Variants in RBMS3 observed in about 807,000 individuals in gnomAD.
The protein encoded by RBMS3 is RNA-binding motif, single-stranded-interacting protein 3.
In RBMS3, 27 loss-of-function variants were observed where a neutral mutation model predicts 66.8. That is an observed-to-expected ratio of 0.40 (90% CI 0.30 to 0.56). The LOEUF (loss-of-function observed/expected upper bound fraction) is 0.56, where lower values mean the gene tolerates loss of function less well. Among genes scored for constraint, RBMS3 ranks in the 20% least tolerant of loss-of-function variants. RBMS3 has a pLI of 0.40. For synonymous variants in RBMS3, 188 were observed against 183.0 expected (o/e 1.03, Z -0.22); for missense variants, 513 against 549.5 (o/e 0.93, Z 0.66).
chr3:29,601,032 G>A (rs2048125574), intron 4 of RBMS3, among the ~76,000 whole-genome samples: 1 of 152,022 alleles, frequency 6.6e-6, no homozygotes, highest in African/African-American at 2.4e-5. Context: ...AGCATGAACA[G>A]TGATGGAACC....
intron 6 of RBMS3, chr3:29,767,384 T>A (rs1559649937): frequency 1.3e-5 from 2 of 151,844 alleles, no homozygotes; most frequent in South Asian, 2.1e-4. Flanking sequence ...ACTTCTGGTA[T>A]GCTTTCCTTA....
chr3:29,410,532 A>G (rs2040220794), intron 1 of RBMS3, among the ~76,000 whole-genome samples: 1 of 152,126 alleles, frequency 6.6e-6, no homozygotes, highest in Admixed American at 6.5e-5. Context: ...CAGATGGATG[A>G]ATTTGCGCCA....
chr3:29,471,551 C>A (rs2125798617), intron 2 of RBMS3, among the ~76,000 whole-genome samples: 2 of 152,238 alleles, frequency 1.3e-5, no homozygotes, highest in East Asian at 3.9e-4. Flanking sequence ...TCTGTAACCA[C>A]AACCTATAAT....
chr3:29,602,025 T>A (rs929979527), intron 4 of RBMS3, among the ~76,000 whole-genome samples: 2 of 152,036 alleles, frequency 1.3e-5, no homozygotes, highest in African/African-American at 4.8e-5. Flanking sequence ...TTGGACACAG[T>A]CTGATCTCTA....
chr3:29,949,549 A>C (rs960659802), intron 12 of RBMS3, among the ~76,000 whole-genome samples: 4 of 151,810 alleles, frequency 2.6e-5, no homozygotes, highest in African/African-American at 9.7e-5. Flanking sequence ...TATTCTTTAT[A>C]ATACATCTGA....
At chr3:29,753,660 C>T (rs972832631) in intron 5 of RBMS3, among the ~76,000 whole-genome samples, 5 of 152,162 alleles carry the variant, frequency 3.3e-5, no homozygotes, top group Non-Finnish European at 7.3e-5. Context: ...ACCCTAAAAG[C>T]TAAAGAGGTC....
intron 1 of RBMS3, among the ~76,000 whole-genome samples, chr3:29,406,258 T>C (rs2040012556): frequency 6.6e-6 from 1 of 152,158 alleles, no homozygotes; most frequent in South Asian, 2.1e-4. Flanking sequence ...CTTAAGATAA[T>C]GTAAAAAAGC....
chr3:29,296,993 T>C (rs975913297), intron 1 of RBMS3, among the ~76,000 whole-genome samples: 4 of 151,634 alleles, frequency 2.6e-5, no homozygotes, highest in Middle Eastern at 3.4e-3. Context: ...TTAATATACA[T>C]TTAGTGAGAG....
At chr3:29,892,350 A>G (rs1319015506) in intron 8 of RBMS3, among the ~76,000 whole-genome samples, 5 of 151,574 alleles carry the variant, frequency 3.3e-5, no homozygotes, top group Non-Finnish European at 7.4e-5. Flanking sequence ...AGGTGTCTCA[A>G]TCTTCATGCT....
In RBMS3 at chr3:29,936,185, A is replaced by G. The variant is rs756605759; in HGVS notation, c.1039A>G (p.Thr347Ala). The change falls in exon 11 of 15, where the codon ACA (threonine) becomes GCA (alanine). Residue 347 changes from threonine to alanine, a missense_variant. Transcript: ENST00000383767. ...GCAGATGAATCACCTTTCGTTGGGC[A>G]CAACAGGAACGGTGAGTTGAAGAGA... ...TQQMNHLSLG[T>A]TGTIQSQDRI... is the part of the protein sequence containing the mutation. The G allele has an allele frequency of 1.2e-5, 19 of 1,612,610 alleles. No homozygotes were observed. The highest frequency in any genetic ancestry group is 1.7e-5 in the Admixed American group (1 of 59,816).
At chr3:29,957,300 A>C (rs1374832920) in intron 12 of RBMS3, among the ~76,000 whole-genome samples, 1 of 152,132 alleles carries the variant, frequency 6.6e-6, no homozygotes, top group African/African-American at 2.4e-5. Context: ...ATCCAGCAAC[A>C]TCTGGCCCAT....
chr3:29,487,363 C>T (rs187084498), intron 2 of RBMS3, among the ~76,000 whole-genome samples: 1 of 152,122 alleles, frequency 6.6e-6, no homozygotes, highest in African/African-American at 2.4e-5. Context: ...ATCTGTACAA[C>T]TAGGTAGAGT....
chr3:29,820,850 A>G (rs2149474492), intron 6 of RBMS3, among the ~76,000 whole-genome samples: 1 of 152,308 alleles, frequency 6.6e-6, no homozygotes, highest in Non-Finnish European at 1.5e-5. Context: ...CCAGAGACTG[A>G]GGTGGTGGGA....
rs1430975037 is a variant in RBMS3, at chr3:30,005,466, A to C, written c.*1604A>C. On this transcript the variant is annotated 3_prime_UTR_variant, in exon 15 of 15. Coordinates refer to ENST00000383767, the MANE Select transcript of RBMS3 (RefSeq NM_001003793.3). Reference sequence around the variant, plus strand: ...TATTCTTTATATGAAATTTCAGCTAAAGACACTTTCTGGACCTGGTCTGAA... The same window carrying C: ...TATTCTTTATATGAAATTTCAGCTACAGACACTTTCTGGACCTGGTCTGAA... 1 of 151,888 alleles carries C rather than the reference A, an allele frequency of 6.6e-6. No individual in the cohort carries two copies. The highest frequency in any genetic ancestry group is 1.5e-5 in the Non-Finnish European group (1 of 67,820). The allele number at this position is 151,888 out of a possible 1,614,324, so 9.4% of individuals were successfully genotyped here. A position where few individuals can be genotyped will look rare whatever the true frequency, so the allele number is the denominator to read the frequency against.
rs367555907 is a variant in RBMS3 at position 29,695,568 on chromosome 3, C to CT, written c.400-44145dup. Among the ~76,000 whole-genome samples the CT allele has an allele frequency of 4.0e-3, 616 of 152,156 alleles. 6 individuals are homozygous for CT. The highest frequency in any genetic ancestry group is 0.014 in the African/African-American group (566 of 41,544). ...TTCTGTTGGCTTCTCATTTTTTCCC[C>CT]TTTTTTTCTTCCAAGTGCAAAATTT... On this transcript the variant is annotated intron_variant, in intron 4 of 14. Transcript: ENST00000383767.
intron 2 of RBMS3, among the ~76,000 whole-genome samples, chr3:29,440,054 AT>A (rs1002533548): frequency 6.6e-6 from 1 of 152,154 alleles, no homozygotes; most frequent in African/African-American, 2.4e-5. Context: ...TAGTGTAATG[AT>A]TTTTTACATA....
chr3:29,533,764 G>A (rs773449740), intron 3 of RBMS3, among the ~76,000 whole-genome samples: 5 of 151,890 alleles, frequency 3.3e-5, no homozygotes, highest in African/African-American at 4.9e-5. Flanking sequence ...GCAACAGAGC[G>A]AGGCTCCGTC....
At chr3:29,974,240 A>C (rs1261413006) in intron 12 of RBMS3, among the ~76,000 whole-genome samples, 1 of 151,860 alleles carries the variant, frequency 6.6e-6, no homozygotes, top group Non-Finnish European at 1.5e-5. Flanking sequence ...CTTCTTTCTC[A>C]CTGCCAAGCC....
chr3:29,731,684 G>A (rs1348772218), intron 4 of RBMS3, among the ~76,000 whole-genome samples: 2 of 152,156 alleles, frequency 1.3e-5, no homozygotes, highest in Non-Finnish European at 2.9e-5. Context: ...GAATGCAGAA[G>A]TCCTAGTGGG....
Sources: gnomAD v4.1 joint callset for allele counts (sites outside exome capture counted in the v4.1 genomes callset) on GRCh38, gnomAD v4.1.1 for gene constraint, MANE v1.5 for transcripts, NCBI Gene and HGNC (gene_info 2026-07-23, HGNC 2026-07-21) for gene names.